The following HSPA12A variants were observed in gnomAD, a reference collection of about 807,000 sequenced individuals.
HSPA12A encodes the protein heat shock protein family A (Hsp70) member 12A.
In HSPA12A, 28 loss-of-function variants were observed where a neutral mutation model predicts 69.2. The ratio of observed to expected loss-of-function variants is 0.40; its 90% CI spans 0.30 to 0.55. HSPA12A has a LOEUF of 0.55. Ranked by LOEUF, HSPA12A falls within the 20% of genes least tolerant of loss-of-function variation. The pLI is 0.38. For synonymous variants in HSPA12A, 345 were observed against 370.5 expected (o/e 0.93, Z 0.79); for missense variants, 686 against 900.7 (o/e 0.76, Z 3.05).
upstream of HSPA12A, chr10:116,742,650 C>T: frequency 1.0e-6 from 1 of 984,862 alleles, no homozygotes. Context: ...CCGGCCCGCC[C>T]GGCGCCCCGC....
At chr10:116,798,609 C>A (rs916768052) in intron 2 of HSPA12A, among the ~76,000 whole-genome samples, 2 of 152,078 alleles carry the variant, frequency 1.3e-5, no homozygotes, top group Non-Finnish European at 2.9e-5. Context: ...GACCGACATG[C>A]TCACACCCTC....
intron 2 of HSPA12A, among the ~76,000 whole-genome samples, chr10:116,788,150 T>C (rs1470182546): frequency 6.6e-6 from 1 of 152,202 alleles, no homozygotes; most frequent in Non-Finnish European, 1.5e-5. Flanking sequence ...GTCTCTACTC[T>C]GGCCGAGCCG....
chr10:116,813,221 TAAAG>T (rs1258483815), intron 2 of HSPA12A, among the ~76,000 whole-genome samples: 1 of 147,770 alleles, frequency 6.8e-6, no homozygotes, highest in East Asian at 2.0e-4. Flanking sequence ...TATCTGCCGT[TAAAG>T]AAAGAGGCCA....
intron 1 of HSPA12A, among the ~76,000 whole-genome samples, chr10:116,718,235 G>C (rs1850665588): frequency 6.6e-6 from 1 of 152,216 alleles, no homozygotes; most frequent in Non-Finnish European, 1.5e-5. Context: ...TAAAGAAAGG[G>C]CCGAGGCCAT....
At position 116,675,545 on chromosome 10, in the gene HSPA12A, G is replaced by C; in HGVS notation, c.1391-127C>G. Reference sequence around the variant, plus strand: ...GCCACTGGGAGGGCAGGCTTACTCTGAGCTCCTTGAACAGAATCTTTGCAG... The same window carrying C: ...GCCACTGGGAGGGCAGGCTTACTCTCAGCTCCTTGAACAGAATCTTTGCAG... On this transcript the variant is annotated intron_variant, in intron 11 of 11. Transcript: ENST00000369209. This position sits in a 1 kb window ranked among gnomAD's most constrained non-coding sequence, Gnocchi z 5.2. 3.2e-6 allele frequency: 3 copies of C among 927,404 alleles called. No individual in the cohort carries two copies. The highest frequency in any genetic ancestry group is 3.2e-6 in the Non-Finnish European group (2 of 624,856). The allele number at this position is 927,404 out of a possible 1,614,324, so 57.4% of individuals were successfully genotyped here.
chr10:116,780,826 T>C (rs561692725), intron 2 of HSPA12A, among the ~76,000 whole-genome samples: 1 of 152,370 alleles, frequency 6.6e-6, no homozygotes, highest in South Asian at 2.1e-4. Context: ...GTGATTTCTA[T>C]GGGTGACGAG....
chr10:116,685,027 T>G (rs12778616), intron 6 of HSPA12A, among the ~76,000 whole-genome samples: 1 of 152,072 alleles, frequency 6.6e-6, no homozygotes, highest in Non-Finnish European at 1.5e-5. Context: ...GGTACACGGG[T>G]GTCCTCAGTT....
In HSPA12A at chr10:116,674,047, T is replaced by A. The variant is rs1780247864; in HGVS notation, c.*734A>T. On this transcript the variant is annotated 3_prime_UTR_variant, in exon 12 of 12. Coordinates refer to ENST00000369209, the MANE Select transcript of HSPA12A (RefSeq NM_025015.3). Reference sequence around the variant, plus strand: ...GTCACAGCATATAATTTGGGATACGTCAGTAACTCTTCACTATCTGTTTCC... The same window carrying A: ...GTCACAGCATATAATTTGGGATACGACAGTAACTCTTCACTATCTGTTTCC... 1 of 152,208 alleles carries A rather than the reference T, an allele frequency of 6.6e-6. No individual in the cohort carries two copies. The allele number at this position is 152,208 out of a possible 1,614,324, so 9.4% of individuals were successfully genotyped here.
chr10:116,741,586 G>C (rs1285400164), intron 1 of HSPA12A, among the ~76,000 whole-genome samples: 1 of 152,194 alleles, frequency 6.6e-6, no homozygotes, highest in Non-Finnish European at 1.5e-5. Context: ...CTGGCCAGCC[G>C]GGCCCTCCGT....
At chr10:116,803,390 A>T (rs1017174982) in intron 2 of HSPA12A, among the ~76,000 whole-genome samples, 8 of 152,228 alleles carry the variant, frequency 5.3e-5, no homozygotes, top group African/African-American at 1.9e-4. Context: ...ACTGTGGGGA[A>T]GAGGAAGATC....
intron 5 of HSPA12A, among the ~76,000 whole-genome samples, chr10:116,695,984 C>CA: frequency 1.2e-5 from 1 of 83,872 alleles, no homozygotes; most frequent in Non-Finnish European, 2.2e-5. Context: ...GCCTGGGCAA[C>CA]AGAGAGAGAC....
chr10:116,804,553 C>A lies in HSPA12A; in HGVS notation c.91+30382G>T, dbSNP rs192373543. ...CTCCCTTTACCCCCAGCCCCCAGCCCCAGCCACAGCGAGATCCCTCCGCTG... is the reference window on the plus strand; with the variant it reads ...CTCCCTTTACCCCCAGCCCCCAGCCACAGCCACAGCGAGATCCCTCCGCTG... On this transcript the variant is annotated intron_variant, in intron 2 of 12. Transcript: ENST00000635765. Among the ~76,000 whole-genome samples, 66 of 152,238 alleles carry A rather than the reference C, an allele frequency of 4.3e-4. No homozygotes were observed. In the Middle Eastern group the frequency reaches 0.014, roughly 31 times the overall value.
At chr10:116,844,700 T>C (rs1328915948) in intron 1 of HSPA12A, among the ~76,000 whole-genome samples, 1 of 152,162 alleles carries the variant, frequency 6.6e-6, no homozygotes, top group Non-Finnish European at 1.5e-5. Flanking sequence ...TGGTTCCCTA[T>C]GAAAAATGAT....
chr10:116,713,358 A>G (rs1196057424), intron 1 of HSPA12A, among the ~76,000 whole-genome samples: 1 of 152,160 alleles, frequency 6.6e-6, no homozygotes, highest in Non-Finnish European at 1.5e-5. Flanking sequence ...TATTGGCATG[A>G]ACCAGGAGAC....
intron 9 of HSPA12A, among the ~76,000 whole-genome samples, chr10:116,680,541 A>T (rs1219931928): frequency 6.6e-6 from 1 of 152,174 alleles, no homozygotes; most frequent in Non-Finnish European, 1.5e-5. Context: ...GTTGGAGTGC[A>T]GTGGCGCAAT....
intron 1 of HSPA12A, among the ~76,000 whole-genome samples, chr10:116,838,554 T>C (rs1460317363): frequency 1.3e-5 from 2 of 152,190 alleles, no homozygotes; most frequent in African/African-American, 4.8e-5. Context: ...TTTGGTTTAT[T>C]TGTACTTGAT....
chr10:116,693,827 CA>C (rs2132944662), intron 5 of HSPA12A, among the ~76,000 whole-genome samples: 1 of 152,288 alleles, frequency 6.6e-6, no homozygotes, highest in East Asian at 1.9e-4. Flanking sequence ...TAAAATTCAT[CA>C]CCTTAACCAT....
chr10:116,817,683 C>A (rs1845332347), intron 2 of HSPA12A, among the ~76,000 whole-genome samples: 1 of 152,066 alleles, frequency 6.6e-6, no homozygotes, highest in East Asian at 1.9e-4. Flanking sequence ...AGGCTTGTCA[C>A]CCAAAGTCCC....
At chr10:116,774,576 TG>T (rs1271645733) in intron 2 of HSPA12A, among the ~76,000 whole-genome samples, 10 of 152,216 alleles carry the variant, frequency 6.6e-5, no homozygotes. Context: ...ATGGTGCTCT[TG>T]GGTCTCTTCA....
Sources: gnomAD v4.1 joint callset for allele counts (sites outside exome capture counted in the v4.1 genomes callset) on GRCh38, gnomAD v4.1.1 for gene constraint, Gnocchi (gnomAD v3.1) non-coding constraint, MANE v1.5 for transcripts, NCBI Gene and HGNC (gene_info 2026-07-23, HGNC 2026-07-21) for gene names.